The following HUNK variants were observed in gnomAD, a reference collection of about 807,000 sequenced individuals.
HUNK encodes the protein hormonally up-regulated neu tumor-associated kinase.
HUNK carries 21 observed loss-of-function variants against 61.0 expected under a neutral mutation model. The observed-to-expected ratio is 0.34, with a 90% CI of 0.24 to 0.50. The LOEUF is 0.50. Ranked by LOEUF, HUNK falls within the 20% of genes least tolerant of loss-of-function variation. The pLI is 0.98. For missense variants in HUNK, 772 were observed against 945.7 expected (o/e 0.82, Z 2.41); for synonymous variants, 371 against 386.1 (o/e 0.96, Z 0.46).
At chr21:31,907,129 C>T (rs1431078599) in intron 1 of HUNK, among the ~76,000 whole-genome samples, 1 of 152,026 alleles carries the variant, frequency 6.6e-6, no homozygotes, top group East Asian at 1.9e-4. Flanking sequence ...GCTGAGATCT[C>T]GTCATTGCAC....
intron 7 of HUNK, among the ~76,000 whole-genome samples, chr21:31,976,465 T>C (rs1275194964): frequency 3.8e-5 from 5 of 132,434 alleles, no homozygotes; most frequent in African/African-American, 1.5e-4. Flanking sequence ...GAGACTTTTT[T>C]TTTTTTTTTT....
chr21:31,972,866 G>T (rs768325154), intron 6 of HUNK, among the ~76,000 whole-genome samples: 34 of 151,988 alleles, frequency 2.2e-4, no homozygotes, highest in Non-Finnish European at 4.3e-4. Flanking sequence ...ACTGATGTAG[G>T]TTACACCGAC....
In HUNK at chr21:31,873,926, C is replaced by G. The variant is rs1475878454; in HGVS notation, c.252C>G (p.Thr84=). 1 of 1,550,316 alleles carries G rather than the reference C, an allele frequency of 6.5e-7. No homozygotes were observed. The highest frequency in any genetic ancestry group is 8.7e-7 in the Non-Finnish European group (1 of 1,151,694). Residue 84 remains threonine (T), a synonymous_variant, in exon 1 of 11, where the codon ACC becomes ACG. Coordinates refer to ENST00000270112, the MANE Select transcript of HUNK (RefSeq NM_014586.2). This position sits in a 1 kb window ranked among gnomAD's most constrained non-coding sequence, Gnocchi z 6.1. ...AKVREGLHVL[T]GEKVAIKVID... is the part of the protein sequence containing the mutation. ...TGCGCGAGGGGCTGCACGTGCTGAC[C>G]GGGGAGAAGGTGAGTCTCCCGGGCG...
intron 1 of HUNK, among the ~76,000 whole-genome samples, chr21:31,907,811 G>A (rs906508622): frequency 2.0e-5 from 3 of 152,078 alleles, no homozygotes; most frequent in Non-Finnish European, 4.4e-5. Context: ...CCAACATGGA[G>A]AAACCTTGTC....
intron 4 of HUNK, among the ~76,000 whole-genome samples, chr21:31,949,421 C>A (rs1444626332): frequency 6.6e-6 from 1 of 152,148 alleles, no homozygotes; most frequent in African/African-American, 2.4e-5. Context: ...TTTCTTCCAA[C>A]CCTTAAGAAC....
chr21:31,939,399 GTTTTTTTTTTTTTT>G (rs398036365), intron 2 of HUNK, among the ~76,000 whole-genome samples: 3 of 66,720 alleles, frequency 4.5e-5, no homozygotes, highest in East Asian at 4.7e-4. Flanking sequence ...GCTTTCATGT[GTTTTTTTTTTTTTT>G]TTTTTTTTTT....
chr21:31,910,173 TG>T (rs1336982640), intron 1 of HUNK, among the ~76,000 whole-genome samples: 1 of 152,168 alleles, frequency 6.6e-6, no homozygotes, highest in South Asian at 2.1e-4. Flanking sequence ...AACACAGACC[TG>T]GGGGGCCTTC....
chr21:31,965,638 CTT>C (rs1250891346), intron 5 of HUNK, among the ~76,000 whole-genome samples: 1 of 133,950 alleles, frequency 7.5e-6, no homozygotes, highest in Non-Finnish European at 1.5e-5. Flanking sequence ...TTCTCTCTCT[CTT>C]ACCCAGGCTG....
In HUNK at chr21:31,902,109, G is replaced by A. The variant is rs550744593; in HGVS notation, c.262-22359G>A. Among the ~76,000 whole-genome samples the A allele has an allele frequency of 1.0e-3, 154 of 152,248 alleles. 2 individuals are homozygous for A. Among genetic ancestry groups the A allele is most frequent in the African/African-American group, 3.5e-3 (144 of 41,554 alleles). Reference sequence around the variant, plus strand: ...ATAAGCACTTGATAAGCAAGACCCTGCAAAACACTGTACATGCTTCATGTA... The same window carrying A: ...ATAAGCACTTGATAAGCAAGACCCTACAAAACACTGTACATGCTTCATGTA... On this transcript the variant is annotated intron_variant, in intron 1 of 10. Transcript: ENST00000270112.
rs2052646798 is a variant in HUNK, at chr21:31,924,575, C to T, written c.369C>T (p.Ile123=). ...QIQQMIRHPN[I]TQLLDILETE... The stretch of plus-strand genomic sequence containing the variant: ...AGCAGATGATCCGCCACCCCAATAT[C>T]ACTCAGCTCCTTGATATTTTAGAAA... The change falls in exon 2 of 11, where the codon ATC becomes ATT. Residue 123 remains isoleucine, a synonymous_variant. Coordinates refer to ENST00000270112, the MANE Select transcript of HUNK (RefSeq NM_014586.2). This position sits in a 1 kb window ranked among gnomAD's most constrained non-coding sequence, Gnocchi z 5.1. The T allele has an allele frequency of 6.2e-7, 1 of 1,614,204 alleles. No individual in the cohort carries two copies. Among genetic ancestry groups the T allele is most frequent in the Non-Finnish European group, 8.5e-7 (1 of 1,180,028 alleles).
At position 31,924,326 on chromosome 21, in the gene HUNK, T is replaced by G; in HGVS notation, c.262-142T>G. ...ATAAATATAAATGTGTATATATATA[T>G]TTTCTGTTGATGCTGTTTTAGGTAA... On this transcript the variant is annotated intron_variant, in intron 1 of 10. Coordinates refer to ENST00000270112, the MANE Select transcript of HUNK (RefSeq NM_014586.2). The surrounding 1 kb of genome is among the most constrained non-coding windows in gnomAD (Gnocchi z 5.1). 1.6e-6 allele frequency: 1 copy of G among 631,620 alleles called. No homozygotes were observed. The highest frequency in any genetic ancestry group is 2.7e-6 in the Non-Finnish European group (1 of 366,586). The allele number at this position is 631,620 out of a possible 1,614,324, so 39.1% of individuals were successfully genotyped here.
At chr21:31,956,395 T>C (rs1308918853) in intron 4 of HUNK, among the ~76,000 whole-genome samples, 2 of 152,204 alleles carry the variant, frequency 1.3e-5, no homozygotes, top group Non-Finnish European at 2.9e-5. Context: ...ATAAAAGCGA[T>C]GTGTCCAAGT....
chr21:31,904,006 T>C (rs761752167), intron 1 of HUNK, among the ~76,000 whole-genome samples: 1 of 152,160 alleles, frequency 6.6e-6, no homozygotes. Context: ...GCCCACTTGC[T>C]GGTAGCTGTG....
intron 1 of HUNK, among the ~76,000 whole-genome samples, chr21:31,900,866 A>G (rs2052462086): frequency 6.6e-6 from 1 of 152,188 alleles, no homozygotes; most frequent in African/African-American, 2.4e-5. Flanking sequence ...CAAAGTGTCC[A>G]CAGACCTTAG....
intron 1 of HUNK, among the ~76,000 whole-genome samples, chr21:31,906,753 G>A (rs1814803605): frequency 6.6e-6 from 1 of 152,054 alleles, no homozygotes; most frequent in African/African-American, 2.4e-5. Flanking sequence ...TTGAGTGCTA[G>A]GTCTCAGGCA....
intron 6 of HUNK, 64 bp downstream of exon 6, chr21:31,968,449 A>G: frequency 1.3e-6 from 2 of 1,578,582 alleles, no homozygotes; most frequent in Non-Finnish European, 1.7e-6. Flanking sequence ...AGCCCTGAGC[A>G]GTTCCGGACA....
intron 1 of HUNK, among the ~76,000 whole-genome samples, chr21:31,917,691 AACATACACACACAC>A (rs1220032626): frequency 6.3e-3 from 343 of 54,652 alleles, no homozygotes; most frequent in Middle Eastern, 0.025. Flanking sequence ...CCCATTCCCA[AACATACACACACAC>A]ACACACACAC....
chr21:31,934,049 A>T (rs1029641026), intron 2 of HUNK, among the ~76,000 whole-genome samples: 3 of 152,140 alleles, frequency 2.0e-5, no homozygotes, highest in African/African-American at 7.2e-5. Flanking sequence ...CTTGGGATGG[A>T]GCTAGAGTAA....
intron 1 of HUNK, among the ~76,000 whole-genome samples, chr21:31,882,665 A>G (rs932402671): frequency 1.3e-5 from 2 of 152,152 alleles, no homozygotes; most frequent in Non-Finnish European, 2.9e-5. Flanking sequence ...ACGGGTTGGT[A>G]TTATATCAAG....
Sources: allele counts gnomAD v4.1 joint callset (sites outside exome capture counted in the v4.1 genomes callset), GRCh38; gene constraint gnomAD v4.1.1; non-coding constraint Gnocchi (gnomAD v3.1); transcripts MANE v1.5; gene names NCBI Gene and HGNC (gene_info 2026-07-23, HGNC 2026-07-21).